The following GRB7 variants were observed in gnomAD, a reference collection of about 807,000 sequenced individuals.
GRB7 encodes growth factor receptor bound protein 7.
In GRB7, 47 loss-of-function variants were observed where a neutral mutation model predicts 64.1. That is an observed-to-expected ratio of 0.73 (90% CI 0.58 to 0.94). GRB7 has a LOEUF of 0.94. Ranked by LOEUF, GRB7 falls within the 40% of genes least tolerant of loss-of-function variation. The pLI, the probability that GRB7 is intolerant of heterozygous loss-of-function variation, is 0.00. For missense variants in GRB7, 634 were observed against 718.4 expected (o/e 0.88, Z 1.34); for synonymous variants, 277 against 279.9 (o/e 0.99, Z 0.10).
In GRB7 at chr17:39,747,030, C is replaced by T; in HGVS notation, c.*133C>T. 2 of 947,308 alleles carry T rather than the reference C, an allele frequency of 2.1e-6. No homozygotes were observed. The highest frequency in any genetic ancestry group is 3.3e-5 in the South Asian group (2 of 60,096). The allele number at this position is 947,308 out of a possible 1,614,324, so 58.7% of individuals were successfully genotyped here. A position where few individuals can be genotyped will look rare whatever the true frequency, so the allele number is the denominator to read the frequency against. ...GGGAGGGTTCCGCCACTCCAGTTTTCTCCTCTGCTTCTTTGCCTCCCTCAG... is the reference window on the plus strand; with the variant it reads ...GGGAGGGTTCCGCCACTCCAGTTTTTTCCTCTGCTTCTTTGCCTCCCTCAG... On this transcript the variant is annotated 3_prime_UTR_variant, in exon 15 of 15. Transcript: ENST00000309156.
In GRB7 at chr17:39,745,293, G is replaced by T. The variant is rs1371334572; in HGVS notation, c.1062G>T (p.Leu354=). 6.2e-7 allele frequency: 1 copy of T among 1,612,692 alleles called. No homozygotes were observed. The highest frequency in any genetic ancestry group is 8.5e-7 in the Non-Finnish European group (1 of 1,179,200). ...KNYQQAQSRH[L]HPSCLGSPPL... The stretch of plus-strand genomic sequence containing the variant: ...ACCAGCAGGCACAGTCTCGCCATCT[G>T]CATCCATCTTGTTTGGGCTCCCCAC... Residue 354 remains leucine (L), a synonymous_variant, in exon 10 of 15, where the codon CTG becomes CTT. Coordinates refer to ENST00000309156, the MANE Select transcript of GRB7 (RefSeq NM_005310.5).
intron 1 of GRB7, chr17:39,738,788 T>G: frequency 1.1e-5 from 10 of 878,660 alleles, no homozygotes; most frequent in Non-Finnish European, 1.2e-5. Flanking sequence ...TGCGGGGAGA[T>G]GTGGGGAGGG....
intron 11 of GRB7, 86 bp downstream of exon 11, chr17:39,745,624 CG>C (rs1358258624): frequency 5.8e-6 from 9 of 1,543,520 alleles, no homozygotes; most frequent in Non-Finnish European, 5.4e-6. Context: ...GAAGAGAGGG[CG>C]GGGGGAGGCC....
intron 14 of GRB7, 55 bp downstream of exon 14, chr17:39,746,257 C>A: frequency 1.4e-6 from 2 of 1,420,268 alleles, no homozygotes; most frequent in Admixed American, 1.7e-5. Flanking sequence ...CTCCCAGCAA[C>A]CTGTCCTCCT....
intron 11 of GRB7, 74 bp downstream of exon 11, chr17:39,745,612 A>T: frequency 6.4e-7 from 1 of 1,554,606 alleles, no homozygotes; most frequent in Non-Finnish European, 8.9e-7. Flanking sequence ...AATAGGAGGG[A>T]GGAAGAGAGG....
At chr17:39,746,266 C>T (rs1489571557) in intron 14 of GRB7, 64 bp downstream of exon 14, 30 of 1,318,970 alleles carry the variant, frequency 2.3e-5, no homozygotes, top group Non-Finnish European at 3.2e-5. Flanking sequence ...ACCTGTCCTC[C>T]TCACCAGGCC....
At position 39,743,469 on chromosome 17, in the gene GRB7, AG is replaced by A; in HGVS notation, c.663+1del. Reference protein sequence around the residue: ...HTGISHEDLIQNFLNAGSFPE... With the variant: ...HTGISHEDLIXNFLNAGSFPE... Reference sequence around the variant, plus strand: ...GGTATATCCCATGAAGACCTCATCCAGGTGGGGGGACCCCCCATTTCACTGC... The same window carrying A: ...GGTATATCCCATGAAGACCTCATCCAGTGGGGGGACCCCCCATTTCACTGC... On this transcript the variant is annotated frameshift_variant and splice_region_variant, in exon 6 of 15. Coordinates refer to ENST00000309156, the MANE Select transcript of GRB7 (RefSeq NM_005310.5). LOFTEE classifies it high-confidence loss of function. The A allele has an allele frequency of 1.2e-6, 2 of 1,613,634 alleles. No homozygotes were observed. Among genetic ancestry groups the A allele is most frequent in the Non-Finnish European group, 1.7e-6 (2 of 1,179,584 alleles).
In GRB7 at chr17:39,739,960, G is replaced by T; in HGVS notation, c.-51+1827G>T. 7 of 984,004 alleles carry T rather than the reference G, an allele frequency of 7.1e-6. No individual in the cohort carries two copies. The South Asian group carries it at 2.8e-4, about 40-fold the overall frequency. The allele number at this position is 984,004 out of a possible 1,614,324, so 61.0% of individuals were successfully genotyped here. On this transcript the variant is annotated intron_variant, in intron 1 of 14. Coordinates refer to ENST00000309156, the MANE Select transcript of GRB7 (RefSeq NM_005310.5). ...AGAAGCTTAAGGGCACGGCTGGGGG[G>T]CTCTGAAGGCAAACCCCAGCCTTGG...
intron 6 of GRB7, chr17:39,743,722 C>T: frequency 1.8e-6 from 1 of 560,010 alleles, no homozygotes; most frequent in Non-Finnish European, 3.2e-6. Flanking sequence ...TGCCTATAAT[C>T]CCAGCACTTT....
chr17:39,742,257 G>A lies in GRB7; in HGVS notation c.-45G>A, dbSNP rs372626826. 20 of 1,612,642 alleles carry A rather than the reference G, an allele frequency of 1.2e-5. No individual in the cohort carries two copies. The African/African-American group carries it at 2.1e-4, about 17-fold the overall frequency. On this transcript the variant is annotated 5_prime_UTR_variant, in exon 2 of 15. Transcript: ENST00000309156. ...CTCTCATCCCCTCTCCCCAGGACAAGGGCACACAACTGGTTCCGTTAAGCC... is the reference window on the plus strand; with the variant it reads ...CTCTCATCCCCTCTCCCCAGGACAAAGGCACACAACTGGTTCCGTTAAGCC...
At position 39,745,769 on chromosome 17, in the gene GRB7, C is replaced by T. The variant is rs146800223; in HGVS notation, c.1251C>T (p.Ser417=). The change falls in exon 12 of 15, where the codon TCC becomes TCT. Residue 417 remains serine, a synonymous_variant. Transcript: ENST00000309156. ...GCCTCAGCCTGCCCATGCCAGCCTCCGGCACGAGCCTCAGTGCAGGTGGGT... is the reference window on the plus strand; with the variant it reads ...GCCTCAGCCTGCCCATGCCAGCCTCTGGCACGAGCCTCAGTGCAGGTGGGT... The part of the protein sequence containing the change: ...NHRLSLPMPA[S]GTSLSAAIHR... 76 of 1,613,852 alleles carry T rather than the reference C, an allele frequency of 4.7e-5. No homozygotes were observed. The highest frequency in any genetic ancestry group is 6.7e-5 in the African/African-American group (5 of 74,928).
Position 39,747,089 on chromosome 17 carries a change from AC to A in GRB7, c.*196del. 1 of 607,676 alleles carries A rather than the reference AC, an allele frequency of 1.6e-6. No homozygotes were observed. Among genetic ancestry groups the A allele is most frequent in the Non-Finnish European group, 2.8e-6 (1 of 355,202 alleles). 37.6% of individuals were successfully genotyped at this position (607,676 alleles called of 1,614,324 possible). A position where few individuals can be genotyped will look rare whatever the true frequency, so the allele number is the denominator to read the frequency against. Reference sequence around the variant, plus strand: ...CAGCCCCCACTCCAGTCCACTCCTGACCCCTCTCCTCAAGGGAAGGCCTTGG... The same window carrying A: ...CAGCCCCCACTCCAGTCCACTCCTGACCCTCTCCTCAAGGGAAGGCCTTGG... On this transcript the variant is annotated 3_prime_UTR_variant, in exon 15 of 15. Coordinates refer to ENST00000309156, the MANE Select transcript of GRB7 (RefSeq NM_005310.5).
At position 39,742,660 on chromosome 17, in the gene GRB7, C is replaced by A; in HGVS notation, c.250C>A (p.Leu84Ile). The A allele has an allele frequency of 3.1e-6, 5 of 1,605,678 alleles. No homozygotes were observed. Among genetic ancestry groups the A allele is most frequent in the Non-Finnish European group, 4.3e-6 (5 of 1,175,476 alleles). Residue 84 changes from leucine to isoleucine, a missense_variant, in exon 3 of 15, where the codon CTC becomes ATC. Transcript: ENST00000309156. ...CAGTCCTCCCTCACAGAGCCCAATT[C>A]TCGGGGGCCCCTCCAGTGCAAGGGG... ...LCSPPSQSPILGGPSSARGLL... is the reference protein window; with the variant it reads ...LCSPPSQSPIIGGPSSARGLL...
Position 39,745,989 on chromosome 17 carries a change from C to A in GRB7, c.1347C>A (p.Gly449=). The A allele has an allele frequency of 6.2e-7, 1 of 1,614,030 alleles. No individual in the cohort carries two copies. The highest frequency in any genetic ancestry group is 8.5e-7 in the Non-Finnish European group (1 of 1,179,928). The change falls in exon 13 of 15, where the codon GGC becomes GGA. Residue 449 remains glycine (G), a synonymous_variant. Transcript: ENST00000309156. ...EESQRLIGQQ[G]LVDGLFLVRE... is the part of the protein sequence containing the mutation. The stretch of plus-strand genomic sequence containing the variant: ...GCCAGCGGCTTATTGGACAGCAGGG[C>A]TTGGTAGACGGGTAAGGGGCAGGGC...
chr17:39,740,009 G>A (rs927029696), intron 1 of GRB7: 4 of 985,284 alleles, frequency 4.1e-6, no homozygotes, highest in Admixed American at 6.1e-5. Context: ...GATCTCTGAG[G>A]CCAGGCTCTA....
rs147188188 is a variant in GRB7, at chr17:39,744,974, G to A, written c.1001G>A (p.Arg334His). ...QSRTCWLAAFRLFKYGVQLYK... is the reference protein window; with the variant it reads ...QSRTCWLAAFHLFKYGVQLYK... ...CGCACCTGCTGGCTGGCTGCCTTCC[G>A]CCTCTTCAAGGTGAGACCCTGGGAG... The change falls in exon 9 of 15, where the codon CGC becomes CAC. Residue 334 changes from arginine (R) to histidine (H), a missense_variant. Around this residue, in one of 2 missense-constraint regions of GRB7, gnomAD observed 467 missense variants for 576.6 expected, o/e 0.81. Transcript: ENST00000309156. 3.5e-5 allele frequency: 56 copies of A among 1,613,036 alleles called. No homozygotes were observed. The highest frequency in any genetic ancestry group is 4.1e-5 in the Non-Finnish European group (48 of 1,179,434).
chr17:39,746,004 AG>A lies in GRB7; in HGVS notation c.1358+8del, dbSNP rs1397940694. 6.2e-7 allele frequency: 1 copy of A among 1,613,998 alleles called. No homozygotes were observed. Among genetic ancestry groups the A allele is most frequent in the African/African-American group, 1.3e-5 (1 of 75,022 alleles). On this transcript the variant is annotated splice_donor_5th_base_variant and intron_variant, in intron 13 of 14. Coordinates refer to ENST00000309156, the MANE Select transcript of GRB7 (RefSeq NM_005310.5). ...GACAGCAGGGCTTGGTAGACGGGTA[AG>A]GGGCAGGGCCGGGCAACAGACCCAG...
In GRB7 at chr17:39,742,586, G is replaced by A; in HGVS notation, c.176G>A (p.Arg59Lys). 1 of 1,613,826 alleles carries A rather than the reference G, an allele frequency of 6.2e-7. No individual in the cohort carries two copies. Among genetic ancestry groups the A allele is most frequent in the Non-Finnish European group, 8.5e-7 (1 of 1,179,952 alleles). ...TTGRKLREEE[R>K]RATSLPSIPN... Reference sequence around the variant, plus strand: ...CACAGGAAACTTCGAGAGGAGGAGAGGCGTGCCACCTCCCTCCCCTCTATC... The same window carrying A: ...CACAGGAAACTTCGAGAGGAGGAGAAGCGTGCCACCTCCCTCCCCTCTATC... The change falls in exon 3 of 15, where the codon AGG becomes AAG. Residue 59 changes from arginine to lysine, a missense_variant. Arg to Lys is a conservative substitution (Grantham distance 26). Transcript: ENST00000309156.
At chr17:39,743,663 G>A (rs2143413322) in intron 6 of GRB7, 193 bp downstream of exon 6, 1 of 614,084 alleles carries the variant, frequency 1.6e-6, no homozygotes, top group East Asian at 2.7e-5. Context: ...AAATGCATGT[G>A]GAGCATTTCC....
Sources: gnomAD v4.1 joint callset for allele counts on GRCh38, gnomAD v4.1.1 for gene constraint, gnomAD v4.1.1 regional missense constraint, MANE v1.5 for transcripts, NCBI Gene and HGNC (gene_info 2026-07-23, HGNC 2026-07-21) for gene names.